ZBTB7C: variants seen among roughly 807,000 people sequenced by gnomAD.
ZBTB7C encodes zinc finger and BTB domain containing 7C, also known as zinc finger and BTB domain-containing protein 7C.
Under a neutral mutation model 25.7 loss-of-function variants are expected in ZBTB7C, and 8 were observed. The ratio of observed to expected loss-of-function variants is 0.31; its 90% confidence interval spans 0.18 to 0.56. ZBTB7C has a LOEUF of 0.56. ZBTB7C is among the 20% of genes least tolerant of loss of function. The probability of loss-of-function intolerance (pLI) is 0.91; values close to 1 mark genes in which losing one functional copy is unlikely to be tolerated. For synonymous variants in ZBTB7C, 394 were observed against 369.0 expected (o/e 1.07, Z -0.78); for missense variants, 824 against 855.2 (o/e 0.96, Z 0.46).
intron 2 of ZBTB7C, among the ~76,000 whole-genome samples, chr18:48,273,131 A>C (rs138712416): frequency 6.8e-4 from 104 of 152,340 alleles, no homozygotes; most frequent in African/African-American, 2.4e-3. Context: ...ACACTTTAAA[A>C]GTGCGAAATT....
At chr18:48,077,335 G>T (rs2037808424) in intron 3 of ZBTB7C, among the ~76,000 whole-genome samples, 1 of 152,076 alleles carries the variant, frequency 6.6e-6, no homozygotes, top group South Asian at 2.1e-4. Context: ...AAGTGGAGGG[G>T]GTAATGAAGG....
At chr18:48,165,883 A>G (rs2144986204) in intron 3 of ZBTB7C, among the ~76,000 whole-genome samples, 1 of 152,338 alleles carries the variant, frequency 6.6e-6, no homozygotes, top group Non-Finnish European at 1.5e-5. Context: ...AGAGGCCTGC[A>G]TGCCGAGCTA....
At chr18:48,113,600 G>A (rs1334220113) in intron 3 of ZBTB7C, among the ~76,000 whole-genome samples, 4 of 152,202 alleles carry the variant, frequency 2.6e-5, no homozygotes, top group African/African-American at 4.8e-5. Context: ...TCCAAGTCCA[G>A]GGGAAAGCCA....
At chr18:48,203,336 G>C (rs1351891371) in intron 2 of ZBTB7C, 1 of 152,370 alleles carries the variant, frequency 6.6e-6, no homozygotes, top group Non-Finnish European at 1.5e-5. Flanking sequence ...TGGCACCACT[G>C]GACTCATGTG....
At chr18:48,134,389 T>C (rs1568245212) in intron 3 of ZBTB7C, among the ~76,000 whole-genome samples, 1 of 152,202 alleles carries the variant, frequency 6.6e-6, no homozygotes, top group African/African-American at 2.4e-5. Flanking sequence ...AGGACAGATA[T>C]GTCTGGTCAG....
chr18:48,351,860 TCG>T (rs960997266), intron 1 of ZBTB7C, among the ~76,000 whole-genome samples: 1 of 152,014 alleles, frequency 6.6e-6, no homozygotes, highest in African/African-American at 2.4e-5. Flanking sequence ...AATCCTACCC[TCG>T]GGGAGATTTC....
At chr18:48,412,051 C>T (rs2048386477), upstream of ZBTB7C, among the ~76,000 whole-genome samples, 1 of 152,232 alleles carries the variant, frequency 6.6e-6, no homozygotes. Context: ...CTAAAGCCTC[C>T]ATTTCCAAAT....
At position 48,278,779 on chromosome 18, in the gene ZBTB7C, C is replaced by A. The variant is rs577371857; in HGVS notation, c.-79+59395G>T. ...ATCATGAGCAAATAGTTGCTTTAAG[C>A]CAGTATATTTAGGGCTGGTTTGCCA... On this transcript the variant is annotated intron_variant, in intron 2 of 4. Coordinates refer to ENST00000590800, the MANE Select transcript of ZBTB7C (RefSeq NM_001318841.2). 1.3e-3 allele frequency among the ~76,000 whole-genome samples: 196 copies of A among 152,196 alleles called. 1 individual carries two copies. The highest frequency in any genetic ancestry group is 2.2e-3 in the Non-Finnish European group (149 of 68,006).
chr18:48,143,106 A>G (rs2040398753), intron 3 of ZBTB7C, among the ~76,000 whole-genome samples: 1 of 152,132 alleles, frequency 6.6e-6, no homozygotes, highest in Non-Finnish European at 1.5e-5. Flanking sequence ...CCACTTTTCC[A>G]TCTCCAGCAG....
intron 3 of ZBTB7C, among the ~76,000 whole-genome samples, chr18:48,132,492 T>C (rs559605638): frequency 5.3e-5 from 8 of 152,338 alleles, no homozygotes; most frequent in Non-Finnish European, 8.8e-5. Flanking sequence ...AAACTGATTA[T>C]GATAATGGTT....
chr18:48,111,230 C>T lies in ZBTB7C; in HGVS notation c.-16-70107G>A, dbSNP rs527809435. 7.2e-5 allele frequency among the ~76,000 whole-genome samples: 11 copies of T among 152,248 alleles called. No individual in the cohort carries two copies. The South Asian group carries it at 2.1e-3, about 29-fold the overall frequency. ...TCGTCCTCAGCTCCTCTTATGGACC[C>T]TAGAATGGGGGCTCAAGCAACGTTT... On this transcript the variant is annotated intron_variant, in intron 3 of 4. Coordinates refer to ENST00000590800, the MANE Select transcript of ZBTB7C (RefSeq NM_001318841.2).
At chr18:48,095,841 T>C (rs4939726) in intron 3 of ZBTB7C, among the ~76,000 whole-genome samples, 46,939 of 152,134 alleles carry the variant, frequency 0.31, 8,132 homozygotes, top group African/African-American at 0.47. Flanking sequence ...CTCCTACCCT[T>C]GATTCCCCTG....
At chr18:48,332,605 C>A (rs2046364364) in intron 2 of ZBTB7C, among the ~76,000 whole-genome samples, 1 of 149,756 alleles carries the variant, frequency 6.7e-6, no homozygotes. Flanking sequence ...TCCTACCATT[C>A]AGTTCCAAAA....
At chr18:48,255,961 T>C (rs1294607556) in intron 2 of ZBTB7C, among the ~76,000 whole-genome samples, 1 of 151,620 alleles carries the variant, frequency 6.6e-6, no homozygotes, top group Non-Finnish European at 1.5e-5. Flanking sequence ...AAGAAACACA[T>C]AGAGAAAAAA....
chr18:48,091,796 C>A (rs771549236), intron 3 of ZBTB7C, among the ~76,000 whole-genome samples: 8 of 152,156 alleles, frequency 5.3e-5, no homozygotes, highest in Non-Finnish European at 1.0e-4. Flanking sequence ...CACTGTGGGT[C>A]CTTAAGAAAG....
At chr18:48,359,712 A>G (rs2047059285) in intron 1 of ZBTB7C, among the ~76,000 whole-genome samples, 1 of 152,122 alleles carries the variant, frequency 6.6e-6, no homozygotes, top group Non-Finnish European at 1.5e-5. Flanking sequence ...GCCCAAAGAG[A>G]GAAGAGTGAG....
At chr18:48,160,935 G>GTTTTTT (rs59824886) in intron 3 of ZBTB7C, among the ~76,000 whole-genome samples, 35 of 136,894 alleles carry the variant, frequency 2.6e-4, no homozygotes, top group African/African-American at 7.8e-4. Flanking sequence ...TTTGAGACAA[G>GTTTTTT]TTTTTTTTTT....
At chr18:48,410,995 C>CA (rs999001136), upstream of ZBTB7C, among the ~76,000 whole-genome samples, 1 of 152,194 alleles carries the variant, frequency 6.6e-6, no homozygotes, top group Non-Finnish European at 1.5e-5. Context: ...ACAGAATTCA[C>CA]AAAAATAAGT....
chr18:48,396,011 A>G (rs1228057056), intron 1 of ZBTB7C, among the ~76,000 whole-genome samples: 1 of 152,238 alleles, frequency 6.6e-6, no homozygotes, highest in East Asian at 1.9e-4. Context: ...CAGCAAAGCA[A>G]CGGGGGTAGA....
Sources: allele counts gnomAD v4.1 joint callset (sites outside exome capture counted in the v4.1 genomes callset), GRCh38; gene constraint gnomAD v4.1.1; transcripts MANE v1.5; gene names NCBI Gene and HGNC (gene_info 2026-07-23, HGNC 2026-07-21).